Variants in SLC25A30 observed in about 807,000 individuals in gnomAD.
SLC25A30 encodes the protein kidney mitochondrial carrier protein 1.
A neutral mutation model predicts 42.7 loss-of-function variants in SLC25A30; 29 were observed. That is an observed-to-expected ratio of 0.68 (90% CI 0.51 to 0.93). The LOEUF (loss-of-function observed/expected upper bound fraction) is 0.93, where lower values mean the gene tolerates loss of function less well. Ranked by LOEUF, SLC25A30 falls within the 40% of genes least tolerant of loss-of-function variation. SLC25A30 has a pLI of 0.00. For synonymous variants in SLC25A30, 124 were observed against 131.0 expected (o/e 0.95, Z 0.37); for missense variants, 300 against 359.7 (o/e 0.83, Z 1.34).
At chr13:45,418,940 CAAAAAAAAAAAAAAAAAAAAAAAAAA>C (rs1168457204), upstream of SLC25A30, among the ~76,000 whole-genome samples, 97 of 14,912 alleles carry the variant, frequency 6.5e-3, 2 homozygotes, top group South Asian at 0.08. Context: ...GACTTCGTCT[CAAAAAAAAAAAAAAAAAAAAAAAAAA>C]AAAAAAAAAA....
At chr13:45,433,560 C>G in the SLC25A30 span, among the ~76,000 whole-genome samples, 1 of 152,176 alleles carries the variant, frequency 6.6e-6, no homozygotes, top group Non-Finnish European at 1.5e-5. Context: ...GCCCTGAGAA[C>G]AGACTGTCAT....
chr13:45,423,936 A>C, the SLC25A30 span, among the ~76,000 whole-genome samples: 1 of 88,426 alleles, frequency 1.1e-5, no homozygotes. Flanking sequence ...AACATATATA[A>C]ATATATAAAA....
At chr13:45,401,306 G>T in intron 6 of SLC25A30, 99 bp from the exon 7 acceptor site, 2 of 1,283,416 alleles carry the variant, frequency 1.6e-6, no homozygotes, top group Non-Finnish European at 1.1e-6. Context: ...TATGATCAAG[G>T]TTTATCTTTT....
At position 45,395,338 on chromosome 13, in the gene SLC25A30, C is replaced by A; in HGVS notation, c.*636G>T. The A allele has an allele frequency of 1.0e-6, 1 of 986,586 alleles. No individual in the cohort carries two copies. Among genetic ancestry groups the A allele is most frequent in the Non-Finnish European group, 1.2e-6 (1 of 830,670 alleles). The allele number at this position is 986,586 out of a possible 1,614,324, so 61.1% of individuals were successfully genotyped here. A position where few individuals can be genotyped will look rare whatever the true frequency, so the allele number is the denominator to read the frequency against. ...ACCACCACGAATTTAGAGATTATTA[C>A]TTTGTAACAATTTCTCACAAATGTC... On this transcript the variant is annotated 3_prime_UTR_variant, in exon 10 of 10. Transcript: ENST00000519676.
chr13:45,430,475 C>A, the SLC25A30 span, among the ~76,000 whole-genome samples: 1 of 152,140 alleles, frequency 6.6e-6, no homozygotes, highest in East Asian at 1.9e-4. Flanking sequence ...GATAACTGTT[C>A]TTTTCATTGC....
chr13:45,424,127 A>ATC, the SLC25A30 span, among the ~76,000 whole-genome samples: 2 of 100,842 alleles, frequency 2.0e-5, no homozygotes, highest in Non-Finnish European at 3.4e-5. Context: ...ATATATATAA[A>ATC]TATATAAATA....
intron 6 of SLC25A30, among the ~76,000 whole-genome samples, chr13:45,401,767 A>G (rs966643386): frequency 3.3e-4 from 50 of 152,296 alleles, no homozygotes; most frequent in African/African-American, 1.2e-3. Flanking sequence ...AACTTTAAAA[A>G]TCATGACATA....
the SLC25A30 span, among the ~76,000 whole-genome samples, chr13:45,424,164 T>TATATAAATATATATAAAC: frequency 2.5e-3 from 128 of 50,220 alleles, 2 homozygotes; most frequent in East Asian, 0.046. Flanking sequence ...TATATAGAAA[T>TATATAAATATATATAAAC]ATATCAATAT....
chr13:45,413,217 G>A, intron 1 of SLC25A30, among the ~76,000 whole-genome samples: 1 of 152,174 alleles, frequency 6.6e-6, no homozygotes, highest in Non-Finnish European at 1.5e-5. Flanking sequence ...AGGTATTTCA[G>A]TACTAAGGAG....
In SLC25A30 at chr13:45,394,368, G is replaced by C; in HGVS notation, c.*1606C>G. On this transcript the variant is annotated 3_prime_UTR_variant, in exon 10 of 10. Coordinates refer to ENST00000519676, the MANE Select transcript of SLC25A30 (RefSeq NM_001010875.4). The stretch of plus-strand genomic sequence containing the variant: ...AGGAAGGCAAGGGAAAAATGCCTGC[G>C]AGGAAAAATTATCTCATCCTCCAAA... 1 of 985,028 alleles carries C rather than the reference G, an allele frequency of 1.0e-6. No homozygotes were observed. Among genetic ancestry groups the C allele is most frequent in the Non-Finnish European group, 1.2e-6 (1 of 829,884 alleles). 61.0% of individuals were successfully genotyped at this position (985,028 alleles called of 1,614,324 possible).
At chr13:45,424,149 G>GTA in the SLC25A30 span, among the ~76,000 whole-genome samples, 2 of 19,594 alleles carry the variant, frequency 1.0e-4, no homozygotes, top group East Asian at 1.6e-3. Flanking sequence ...ATAAATATAA[G>GTA]TATATATATA....
the SLC25A30 span, among the ~76,000 whole-genome samples, chr13:45,430,908 C>T: frequency 0.014 from 2,141 of 152,230 alleles, 48 homozygotes; most frequent in African/African-American, 0.048. Context: ...CTCATTCTCT[C>T]TATGAATCTC....
chr13:45,423,968 C>CATATATAAATATATAAAT, the SLC25A30 span, among the ~76,000 whole-genome samples: 3 of 77,636 alleles, frequency 3.9e-5, no homozygotes, highest in African/African-American at 5.7e-5. Flanking sequence ...TATATATAAA[C>CATATATAAATATATAAAT]ATATAACAAT....
At chr13:45,423,370 T>G (rs548350162), upstream of SLC25A30, among the ~76,000 whole-genome samples, 5 of 150,814 alleles carry the variant, frequency 3.3e-5, no homozygotes, top group East Asian at 9.7e-4. Flanking sequence ...GAAATCTGGT[T>G]TATTTAATTT....
At chr13:45,396,213 A>C (rs1881304014) in intron 9 of SLC25A30, 198 bp from the exon 10 acceptor site, 1 of 1,439,238 alleles carries the variant, frequency 6.9e-7, no homozygotes, top group African/African-American at 1.4e-5. Flanking sequence ...GAAAGATCAC[A>C]GCTGAGATAT....
chr13:45,404,031 A>G (rs1039531787), intron 5 of SLC25A30, among the ~76,000 whole-genome samples: 4 of 152,176 alleles, frequency 2.6e-5, no homozygotes, highest in Non-Finnish European at 5.9e-5. Context: ...TTAATGAACC[A>G]ATAAAACAAG....
chr13:45,394,689 TAGAAAA>T lies in SLC25A30; in HGVS notation c.*1279_*1284del, dbSNP rs1434069138. 4.1e-6 allele frequency: 4 copies of T among 982,486 alleles called. No homozygotes were observed. Among genetic ancestry groups the T allele is most frequent in the African/African-American group, 1.8e-5 (1 of 56,424 alleles). The allele number at this position is 982,486 out of a possible 1,614,324, so 60.9% of individuals were successfully genotyped here. The stretch of plus-strand genomic sequence containing the variant: ...CAGGTTAGAGTAAAGAATAAGAAAA[TAGAAAA>T]AGAAAAAAAGAAGAGGGAGAATGAC... On this transcript the variant is annotated 3_prime_UTR_variant, in exon 10 of 10. Coordinates refer to ENST00000519676, the MANE Select transcript of SLC25A30 (RefSeq NM_001010875.4).
chr13:45,429,206 C>A, the SLC25A30 span, among the ~76,000 whole-genome samples: 1 of 151,304 alleles, frequency 6.6e-6, no homozygotes, highest in Non-Finnish European at 1.5e-5. Context: ...GGAGCTGCAA[C>A]TACAGGCATG....
intron 5 of SLC25A30, 116 bp from the exon 6 acceptor site, chr13:45,402,486 G>A: frequency 8.6e-6 from 7 of 818,538 alleles, no homozygotes; most frequent in Middle Eastern, 2.3e-4. Context: ...CATTAGCAAG[G>A]AAAAAACTGT....
Sources: gnomAD v4.1 joint callset for allele counts (sites outside exome capture counted in the v4.1 genomes callset) on GRCh38, gnomAD v4.1.1 for gene constraint, MANE v1.5 for transcripts, NCBI Gene and HGNC (gene_info 2026-07-23, HGNC 2026-07-21) for gene names.